Variants in CDKAL1 observed in about 807,000 individuals in gnomAD.
CDKAL1 encodes CDKAL1 threonylcarbamoyladenosine tRNA methylthiotransferase, also known as threonylcarbamoyladenosine tRNA methylthiotransferase.
A neutral mutation model predicts 68.2 loss-of-function variants in CDKAL1; 32 were observed. The observed-to-expected ratio is 0.47, with a 90% CI of 0.35 to 0.63. The LOEUF is 0.63. Among genes scored for constraint, CDKAL1 ranks in the 30% least tolerant of loss-of-function variants. CDKAL1 has a pLI of 0.00. For missense variants in CDKAL1, 606 were observed against 696.7 expected, an observed-to-expected ratio of 0.87 and a Z score of 1.47; for synonymous variants, 234 against 244.3, an observed-to-expected ratio of 0.96 and a Z score of 0.39.
At chr6:20,978,177 C>T (rs919117154) in intron 10 of CDKAL1, among the ~76,000 whole-genome samples, 1 of 152,180 alleles carries the variant, frequency 6.6e-6, no homozygotes, top group South Asian at 2.1e-4. Flanking sequence ...AGTCAGAATC[C>T]TAAAGGACAT....
chr6:20,623,655 T>C (rs1333809294), intron 4 of CDKAL1, among the ~76,000 whole-genome samples: 1 of 152,064 alleles, frequency 6.6e-6, no homozygotes, highest in Non-Finnish European at 1.5e-5. Context: ...AGTTATTTAA[T>C]AGGGGAATAT....
At chr6:20,767,347 C>A (rs954961529) in intron 7 of CDKAL1, among the ~76,000 whole-genome samples, 2 of 152,058 alleles carry the variant, frequency 1.3e-5, no homozygotes, top group Non-Finnish European at 2.9e-5. Context: ...GGTAATTCTT[C>A]TTTAGTACTT....
intron 4 of CDKAL1, among the ~76,000 whole-genome samples, chr6:20,629,101 T>C (rs1178598398): frequency 3.3e-5 from 5 of 152,242 alleles, no homozygotes; most frequent in Admixed American, 2.6e-4. Context: ...AAATGTCTCT[T>C]TAAGATTTCT....
At chr6:20,983,895 G>C (rs138377420) in intron 10 of CDKAL1, among the ~76,000 whole-genome samples, 1 of 152,260 alleles carries the variant, frequency 6.6e-6, no homozygotes, top group African/African-American at 2.4e-5. Context: ...TATTCCTCAA[G>C]AATTAGTGTA....
chr6:20,696,226 A>T (rs1771100876), intron 5 of CDKAL1, among the ~76,000 whole-genome samples: 1 of 152,226 alleles, frequency 6.6e-6, no homozygotes, highest in Non-Finnish European at 1.5e-5. Context: ...TTTAATAAAG[A>T]CTGATTTTAA....
intron 11 of CDKAL1, among the ~76,000 whole-genome samples, chr6:21,057,394 T>C (rs1288262403): frequency 6.6e-6 from 1 of 152,058 alleles, no homozygotes; most frequent in East Asian, 1.9e-4. Context: ...TTATTGTGTC[T>C]ATTTGATTCT....
Position 20,756,835 on chromosome 6 carries a change from C to CCTTCCTTCCTTT in CDKAL1, c.469-1757_469-1756insCCTTCCTTTCTT, listed in dbSNP as rs1554115724. The CCTTCCTTCCTTT allele has an allele frequency of 3.9e-5, 5 of 127,120 alleles. 1 individual carries two copies. The highest frequency in any genetic ancestry group is 6.8e-5 in the Non-Finnish European group (4 of 58,574). 7.9% of individuals were successfully genotyped at this position (127,120 alleles called of 1,614,324 possible). ...TCCTTCCTTCCTTCCTTCCTTCCTTCCTTTCTTCCTTCCTTCTCCCCTTCC... is the reference window on the plus strand; with the variant it reads ...TCCTTCCTTCCTTCCTTCCTTCCTTCCTTCCTTCCTTTCTTTCTTCCTTCCTTCTCCCCTTCC... On this transcript the variant is annotated intron_variant, in intron 6 of 15. Transcript: ENST00000274695.
At chr6:20,691,043 A>G (rs1393776845) in intron 5 of CDKAL1, among the ~76,000 whole-genome samples, 1 of 152,232 alleles carries the variant, frequency 6.6e-6, no homozygotes, top group Non-Finnish European at 1.5e-5. Flanking sequence ...AGCAGGTATT[A>G]TTACAGGTAA....
intron 5 of CDKAL1, chr6:20,722,366 C>T: frequency 4.6e-6 from 1 of 216,712 alleles, no homozygotes; most frequent in Non-Finnish European, 9.4e-6. Context: ...TTCTTTTCTC[C>T]TCCCGGTTCA....
chr6:20,701,954 G>T (rs557593466), intron 5 of CDKAL1, among the ~76,000 whole-genome samples: 1 of 152,322 alleles, frequency 6.6e-6, no homozygotes, highest in Non-Finnish European at 1.5e-5. Context: ...CTGCTGTGAT[G>T]CCGTGGTGGG....
At chr6:20,547,096 T>C (rs1763638162) in intron 3 of CDKAL1, among the ~76,000 whole-genome samples, 1 of 152,220 alleles carries the variant, frequency 6.6e-6, no homozygotes, top group Non-Finnish European at 1.5e-5. Flanking sequence ...AATGCTCCAG[T>C]GAGCATCCTT....
At chr6:20,583,207 C>A (rs1765206908) in intron 4 of CDKAL1, among the ~76,000 whole-genome samples, 1 of 152,102 alleles carries the variant, frequency 6.6e-6, no homozygotes, top group Admixed American at 6.5e-5. Context: ...TACTGCTTTG[C>A]CTTGCCGTGA....
At chr6:20,838,205 A>G (rs1778035839) in intron 8 of CDKAL1, among the ~76,000 whole-genome samples, 1 of 152,094 alleles carries the variant, frequency 6.6e-6, no homozygotes, top group Admixed American at 6.6e-5. Flanking sequence ...GTCTATTTAT[A>G]TGTATAATGT....
chr6:20,540,665 A>G (rs993561800), intron 2 of CDKAL1, among the ~76,000 whole-genome samples: 2 of 152,076 alleles, frequency 1.3e-5, no homozygotes, highest in Admixed American at 6.5e-5. Context: ...CATGTTGGCC[A>G]GGCTGACCTC....
At chr6:21,209,159 A>T (rs1779055676) in intron 15 of CDKAL1, among the ~76,000 whole-genome samples, 1 of 152,186 alleles carries the variant, frequency 6.6e-6, no homozygotes, top group Non-Finnish European at 1.5e-5. Flanking sequence ...TTATTATTCT[A>T]GCCTGGCCTA....
chr6:20,932,034 T>C (rs1442183014), intron 9 of CDKAL1, among the ~76,000 whole-genome samples: 1 of 152,232 alleles, frequency 6.6e-6, no homozygotes, highest in Admixed American at 6.5e-5. Flanking sequence ...CCCAGTTCTT[T>C]ATTTCTTTCA....
In CDKAL1 at chr6:20,657,614, A is replaced by G. The variant is rs376595036; in HGVS notation, c.371+8237A>G. 1.2e-3 allele frequency among the ~76,000 whole-genome samples: 187 copies of G among 152,292 alleles called. 3 individuals carry two copies. The South Asian group carries it at 0.021, about 17-fold the overall frequency. On this transcript the variant is annotated intron_variant, in intron 5 of 15. Transcript: ENST00000274695. ...GACTCTAAGGGATTTACTGTCTTTC[A>G]TGTGATTAATACAGTCTCAATGATT...
chr6:20,981,147 C>G (rs1385963675), intron 10 of CDKAL1, among the ~76,000 whole-genome samples: 1 of 150,288 alleles, frequency 6.7e-6, no homozygotes, highest in Non-Finnish European at 1.5e-5. Context: ...ATATTGCGTT[C>G]ATTTTTGAAC....
At chr6:20,944,837 A>G (rs1371676150) in intron 9 of CDKAL1, among the ~76,000 whole-genome samples, 1 of 152,206 alleles carries the variant, frequency 6.6e-6, no homozygotes, top group African/African-American at 2.4e-5. Context: ...TGTTGACATT[A>G]CCTGCAAATG....
Sources: gnomAD v4.1 joint callset for allele counts (sites outside exome capture counted in the v4.1 genomes callset) on GRCh38, gnomAD v4.1.1 for gene constraint, MANE v1.5 for transcripts, NCBI Gene and HGNC (gene_info 2026-07-23, HGNC 2026-07-21) for gene names.